The following SHC4 variants were observed in gnomAD, a reference collection of about 807,000 sequenced individuals.
SHC4 encodes the protein SHC-transforming protein 4.
A neutral mutation model predicts 69.4 loss-of-function variants in SHC4; 41 were observed. The observed-to-expected ratio is 0.59, with a 90% CI of 0.46 to 0.77. The LOEUF is 0.77. SHC4 is among the 30% of genes least tolerant of loss of function. The pLI, the probability that SHC4 is intolerant of heterozygous loss-of-function variation, is 0.00. For missense variants in SHC4, 777 were observed against 783.8 expected (o/e 0.99, Z 0.10); for synonymous variants, 318 against 299.3 (o/e 1.06, Z -0.64).
intron 1 of SHC4, among the ~76,000 whole-genome samples, chr15:48,931,269 C>G (rs1475269746): frequency 6.6e-6 from 1 of 152,170 alleles, no homozygotes; most frequent in Non-Finnish European, 1.5e-5. Flanking sequence ...AGGTTCTACT[C>G]TAGTCTAATA....
At chr15:48,915,058 A>G (rs1039417735) in intron 2 of SHC4, among the ~76,000 whole-genome samples, 2 of 152,242 alleles carry the variant, frequency 1.3e-5, no homozygotes, top group South Asian at 2.1e-4. Context: ...TTGTTTCAAT[A>G]GGGTTCTTTA....
chr15:48,924,822 A>G, intron 2 of SHC4, 57 bp downstream of exon 2: 17 of 1,565,526 alleles, frequency 1.1e-5, no homozygotes, highest in Non-Finnish European at 1.5e-5. Context: ...CTGTGGGAGA[A>G]ATTATTGTGA....
chr15:48,832,851 T>C (rs1898831054), intron 11 of SHC4, among the ~76,000 whole-genome samples: 1 of 152,176 alleles, frequency 6.6e-6, no homozygotes, highest in Non-Finnish European at 1.5e-5. Context: ...CTAGTGATCT[T>C]TTCAGTTCAG....
chr15:48,850,238 C>A (rs1196492964), intron 9 of SHC4, among the ~76,000 whole-genome samples: 1 of 100,776 alleles, frequency 9.9e-6, no homozygotes, highest in Non-Finnish European at 2.0e-5. Context: ...AATAAATAAA[C>A]TAAACTAAAC....
At chr15:48,853,994 C>T (rs770392963) in intron 8 of SHC4, among the ~76,000 whole-genome samples, 10 of 152,082 alleles carry the variant, frequency 6.6e-5, no homozygotes, top group Non-Finnish European at 1.2e-4. Context: ...AAATAAAGAG[C>T]TTCTAAGCAC....
chr15:48,944,876 T>A (rs970493697), intron 1 of SHC4, among the ~76,000 whole-genome samples: 9 of 152,330 alleles, frequency 5.9e-5, no homozygotes, highest in African/African-American at 1.9e-4. Context: ...TATCTGAAAG[T>A]AGAGTCTTTA....
intron 4 of SHC4, chr15:48,877,620 G>T: frequency 1.1e-6 from 1 of 909,780 alleles, no homozygotes; most frequent in Non-Finnish European, 1.3e-6. Context: ...ATGGGACCAA[G>T]TATTTCTTCA....
chr15:48,869,929 G>C (rs970476760), intron 5 of SHC4, among the ~76,000 whole-genome samples: 6 of 152,094 alleles, frequency 3.9e-5, no homozygotes, highest in Non-Finnish European at 8.8e-5. Flanking sequence ...TTTAATGTTT[G>C]TTTTTTATAG....
In SHC4 at chr15:48,897,756, GACACAC is replaced by G. The variant is rs138796905; in HGVS notation, c.657-6951_657-6946del. Among the ~76,000 whole-genome samples the G allele has an allele frequency of 2.1e-4, 29 of 139,066 alleles. No homozygotes were observed. In the South Asian group the frequency reaches 2.6e-3, roughly 13 times the overall value. The allele number at this position is 139,066 out of a possible 152,430, so 91.2% of individuals were successfully genotyped here. A position where few individuals can be genotyped will look rare whatever the true frequency, so the allele number is the denominator to read the frequency against. On this transcript the variant is annotated intron_variant, in intron 2 of 11. Transcript: ENST00000332408. Reference sequence around the variant, plus strand: ...ATGATCCCCACATCCCCCACCTTCTGACACACACACACACACACACACACACACATC... The same window carrying G: ...ATGATCCCCACATCCCCCACCTTCTGACACACACACACACACACACACATC...
chr15:48,912,616 G>C (rs1900529263), intron 2 of SHC4, among the ~76,000 whole-genome samples: 1 of 152,072 alleles, frequency 6.6e-6, no homozygotes, highest in Admixed American at 6.5e-5. Context: ...TCTTCGTTTG[G>C]ATCCATTGCT....
At chr15:48,948,301 T>G (rs1339863807) in intron 1 of SHC4, among the ~76,000 whole-genome samples, 1 of 152,222 alleles carries the variant, frequency 6.6e-6, no homozygotes, top group Non-Finnish European at 1.5e-5. Context: ...GCTCATTGAT[T>G]AAAGCTATAC....
At chr15:48,928,620 G>T (rs1263945893) in intron 1 of SHC4, among the ~76,000 whole-genome samples, 1 of 152,148 alleles carries the variant, frequency 6.6e-6, no homozygotes, top group African/African-American at 2.4e-5. Flanking sequence ...TGTCTTGGGG[G>T]TGAGAGGAAT....
chr15:48,960,175 C>T (rs531330814), intron 1 of SHC4, among the ~76,000 whole-genome samples: 9 of 152,148 alleles, frequency 5.9e-5, no homozygotes, highest in African/African-American at 1.4e-4. Context: ...ATGGTGCCCC[C>T]ATTAAAAATC....
rs202001880 is a variant in SHC4, at chr15:48,890,777, C to T, written c.691G>A (p.Gly231Arg). 5.4e-5 allele frequency: 87 copies of T among 1,614,002 alleles called. No individual in the cohort carries two copies. The highest frequency in any genetic ancestry group is 6.6e-5 in the Non-Finnish European group (78 of 1,180,036). The change falls in exon 3 of 12, where the codon GGG (glycine) becomes AGG (arginine). Residue 231 changes from glycine to arginine, a missense_variant. By Grantham distance (125) the Gly-to-Arg change is moderately radical. Coordinates refer to ENST00000332408, the MANE Select transcript of SHC4 (RefSeq NM_203349.4). ...AISRLCEAVPGANGAIKKRKP... is the reference protein window; with the variant it reads ...AISRLCEAVPRANGAIKKRKP... ...CGCTTTTTAATGGCTCCATTTGCCC[C>T]GGGGACAGCTTCACACAGGCGACTT...
At chr15:48,891,865 T>C (rs1426870416) in intron 2 of SHC4, among the ~76,000 whole-genome samples, 1 of 152,148 alleles carries the variant, frequency 6.6e-6, no homozygotes, top group Non-Finnish European at 1.5e-5. Context: ...TTGTTTTGTT[T>C]TTGTTTTGAG....
intron 1 of SHC4, 37 bp downstream of exon 1, chr15:48,962,394 G>C (rs190531273): frequency 6.6e-7 from 1 of 1,507,846 alleles, no homozygotes; most frequent in Non-Finnish European, 8.9e-7. Flanking sequence ...CCCCTTCCAC[G>C]GAAGTTCTTA....
At position 48,959,426 on chromosome 15, in the gene SHC4, C is replaced by A. The variant is rs1384507517; in HGVS notation, c.585+3005G>T. The stretch of plus-strand genomic sequence containing the variant: ...GTTCATGGATGCCCAGTGCCTAGAA[C>A]AGTTCCTGCTGCATAATTGATTCAT... On this transcript the variant is annotated intron_variant, in intron 1 of 11. Transcript: ENST00000332408. 2.0e-5 allele frequency among the ~76,000 whole-genome samples: 3 copies of A among 152,334 alleles called. No homozygotes were observed. In the East Asian group the frequency reaches 5.8e-4, roughly 29 times the overall value.
chr15:48,828,110 T>C (rs1898723662), intron 11 of SHC4, among the ~76,000 whole-genome samples: 1 of 50,868 alleles, frequency 2.0e-5, no homozygotes, highest in South Asian at 1.1e-3. Flanking sequence ...TGTGTGTGTG[T>C]GTGTGTATAT....
At chr15:48,961,043 G>A (rs554103136) in intron 1 of SHC4, among the ~76,000 whole-genome samples, 1 of 152,076 alleles carries the variant, frequency 6.6e-6, no homozygotes, top group Non-Finnish European at 1.5e-5. Context: ...GGTTGTTGAG[G>A]CTTCTCTCAT....
Sources: allele counts gnomAD v4.1 joint callset (sites outside exome capture counted in the v4.1 genomes callset), GRCh38; gene constraint gnomAD v4.1.1; transcripts MANE v1.5; gene names NCBI Gene and HGNC (gene_info 2026-07-23, HGNC 2026-07-21).